Variants in NFIL3 observed in about 807,000 individuals in gnomAD.
NFIL3 encodes the protein nuclear factor, interleukin 3 regulated.
In NFIL3, 5 loss-of-function variants were observed where a neutral mutation model predicts 10.0. That is an observed-to-expected ratio of 0.50 (90% CI 0.26 to 1.06). The LOEUF (loss-of-function observed/expected upper bound fraction) is 1.06. Ranked by LOEUF, NFIL3 falls within the 50% of genes least tolerant of loss-of-function variation. The probability of loss-of-function intolerance (pLI) is 0.13; values close to 1 mark genes in which losing one functional copy is unlikely to be tolerated. For missense variants in NFIL3, 436 were observed against 547.6 expected, an observed-to-expected ratio of 0.80 and a Z score of 2.03; for synonymous variants, 202 against 206.5, an observed-to-expected ratio of 0.98 and a Z score of 0.19.
Position 91,409,399 on chromosome 9 carries a change from A to G in NFIL3, c.1336T>C (p.Ser446Pro). The change falls in exon 2 of 2, where the codon TCA becomes CCA. Residue 446 changes from serine to proline, a missense_variant. Transcript: ENST00000297689. ...GIANLSAEVVSLKRLIATQPI... is the reference protein window; with the variant it reads ...GIANLSAEVVPLKRLIATQPI... ...TGTGTGGCTATAAGTCTCTTGAGTG[A>G]GACAACCTCTGCAGATAAGTTTGCT... is the stretch of plus-strand genomic sequence containing the variant. 2 of 1,609,818 alleles carry G rather than the reference A, an allele frequency of 1.2e-6. No homozygotes were observed. The highest frequency in any genetic ancestry group is 1.7e-6 in the Non-Finnish European group (2 of 1,178,096).
At chr9:91,454,156 C>A in the NFIL3 span, among the ~76,000 whole-genome samples, 2 of 151,186 alleles carry the variant, frequency 1.3e-5, no homozygotes, top group Non-Finnish European at 2.9e-5. Context: ...ATCGCTTGAA[C>A]CCGGGAAGTG....
the NFIL3 span, among the ~76,000 whole-genome samples, chr9:91,447,052 G>T: frequency 6.6e-6 from 1 of 152,132 alleles, no homozygotes; most frequent in Admixed American, 6.6e-5. Context: ...CCGACCTCAG[G>T]TTATCTGCTT....
At chr9:91,450,382 T>C in the NFIL3 span, among the ~76,000 whole-genome samples, 1 of 152,260 alleles carries the variant, frequency 6.6e-6, no homozygotes, top group South Asian at 2.1e-4. Flanking sequence ...ATGCATCCCA[T>C]AAGTTTTGGT....
upstream of NFIL3, among the ~76,000 whole-genome samples, chr9:91,424,457 C>A (rs1410459725): frequency 6.6e-6 from 1 of 152,110 alleles, no homozygotes; most frequent in Non-Finnish European, 1.5e-5. Context: ...GGCAAGCTGC[C>A]AACACTCGGG....
chr9:91,435,485 G>T, the NFIL3 span, among the ~76,000 whole-genome samples: 3 of 152,152 alleles, frequency 2.0e-5, no homozygotes, highest in Admixed American at 6.5e-5. Flanking sequence ...ACTCAAAGGA[G>T]GTTGAAATGG....
chr9:91,413,280 G>A (rs1038297716), intron 1 of NFIL3, among the ~76,000 whole-genome samples: 5 of 150,224 alleles, frequency 3.3e-5, no homozygotes, highest in Admixed American at 6.6e-5. Context: ...TAAGAGTCTC[G>A]CTCTGCTGCC....
chr9:91,446,145 A>G, the NFIL3 span, among the ~76,000 whole-genome samples: 1 of 152,192 alleles, frequency 6.6e-6, no homozygotes, highest in African/African-American at 2.4e-5. Flanking sequence ...GGAGTCTCCA[A>G]TAATGAAGAA....
chr9:91,433,286 C>G, the NFIL3 span, among the ~76,000 whole-genome samples: 2 of 152,176 alleles, frequency 1.3e-5, no homozygotes, highest in Non-Finnish European at 2.9e-5. Flanking sequence ...TGACTATCGG[C>G]AAATTGCTGA....
intron 1 of NFIL3, among the ~76,000 whole-genome samples, chr9:91,416,991 A>G (rs1024026894): frequency 1.3e-5 from 2 of 152,220 alleles, no homozygotes; most frequent in African/African-American, 4.8e-5. Flanking sequence ...CTAATGTTTA[A>G]CAATCCAAGC....
At chr9:91,475,317 T>C in the NFIL3 span, among the ~76,000 whole-genome samples, 4 of 152,252 alleles carry the variant, frequency 2.6e-5, no homozygotes, top group African/African-American at 9.6e-5. Flanking sequence ...GCATATGTTT[T>C]ATGTATGTAT....
chr9:91,480,470 C>T, the NFIL3 span, among the ~76,000 whole-genome samples: 11 of 152,164 alleles, frequency 7.2e-5, no homozygotes, highest in African/African-American at 2.7e-4. Context: ...GGTATTGAAA[C>T]AACTGATTCT....
chr9:91,467,177 T>G, the NFIL3 span, among the ~76,000 whole-genome samples: 16 of 151,638 alleles, frequency 1.1e-4, no homozygotes, highest in Admixed American at 5.9e-4. Context: ...TATTATATAT[T>G]ATATTATATC....
At chr9:91,416,582 A>T (rs1437886878) in intron 1 of NFIL3, among the ~76,000 whole-genome samples, 1 of 152,244 alleles carries the variant, frequency 6.6e-6, no homozygotes, top group African/African-American at 2.4e-5. Context: ...TAGTGTATTC[A>T]GCACGATTAA....
the NFIL3 span, among the ~76,000 whole-genome samples, chr9:91,466,352 C>T: frequency 6.6e-6 from 1 of 152,096 alleles, no homozygotes; most frequent in African/African-American, 2.4e-5. Context: ...TGAGATGCTT[C>T]CTGAGAACAC....
At chr9:91,417,147 GT>G (rs983209012) in intron 1 of NFIL3, among the ~76,000 whole-genome samples, 10 of 152,070 alleles carry the variant, frequency 6.6e-5, no homozygotes, top group African/African-American at 2.4e-4. Flanking sequence ...TATATATTTT[GT>G]TTTTAAAATT....
At chr9:91,419,153 T>C (rs1167778924) in intron 1 of NFIL3, among the ~76,000 whole-genome samples, 2 of 152,242 alleles carry the variant, frequency 1.3e-5, no homozygotes, top group African/African-American at 2.4e-5. Flanking sequence ...GTTTCTGTTA[T>C]ATTTTGAATT....
the NFIL3 span, among the ~76,000 whole-genome samples, chr9:91,457,671 T>C: frequency 1.5e-4 from 23 of 152,192 alleles, no homozygotes; most frequent in African/African-American, 5.5e-4. Flanking sequence ...TTGAATGTCT[T>C]TTATGTCTTT....
the NFIL3 span, among the ~76,000 whole-genome samples, chr9:91,482,437 GAT>G: frequency 6.6e-6 from 1 of 151,604 alleles, no homozygotes; most frequent in African/African-American, 2.4e-5. Flanking sequence ...GCTGGGTGAT[GAT>G]GATGATGATG....
chr9:91,451,819 T>C, the NFIL3 span, among the ~76,000 whole-genome samples: 2 of 152,318 alleles, frequency 1.3e-5, no homozygotes, highest in South Asian at 4.1e-4. Context: ...CATGACCTGC[T>C]GTTGCCATGA....
Sources: gnomAD v4.1 joint callset for allele counts (sites outside exome capture counted in the v4.1 genomes callset) on GRCh38, gnomAD v4.1.1 for gene constraint, MANE v1.5 for transcripts, NCBI Gene and HGNC (gene_info 2026-07-23, HGNC 2026-07-21) for gene names.